The following ZCCHC7 variants were observed in gnomAD, a reference collection of about 807,000 sequenced individuals.
The protein encoded by ZCCHC7 is zinc finger CCHC-type containing 7.
Under a neutral mutation model 52.0 loss-of-function variants are expected in ZCCHC7, and 35 were observed. The observed-to-expected ratio is 0.67, with a 90% CI of 0.51 to 0.89. The LOEUF is 0.89. Among genes scored for constraint, ZCCHC7 ranks in the 40% least tolerant of loss-of-function variants. The probability of loss-of-function intolerance (pLI) is 0.00; values close to 1 mark genes in which losing one functional copy is unlikely to be tolerated. For missense variants in ZCCHC7, 574 were observed against 649.1 expected (o/e 0.88, Z 1.26); for synonymous variants, 217 against 221.5 (o/e 0.98, Z 0.18).
At chr9:37,183,537 T>G (rs1822481877) in intron 2 of ZCCHC7, among the ~76,000 whole-genome samples, 1 of 152,208 alleles carries the variant, frequency 6.6e-6, no homozygotes, top group African/African-American at 2.4e-5. Flanking sequence ...AGCCCTTTCT[T>G]TGATGTTCAT....
In ZCCHC7 at chr9:37,346,572, A is replaced by T. The variant is rs72737790; in HGVS notation, c.988-2785A>T. ...GCACCTATGGTCCCAGCTACTCAGG[A>T]GGCTGAAACCCAAGGATTGCTTGAG... On this transcript the variant is annotated intron_variant, in intron 6 of 8. Coordinates refer to ENST00000336755, the MANE Select transcript of ZCCHC7 (RefSeq NM_032226.3). Among the ~76,000 whole-genome samples the T allele has an allele frequency of 7.3e-3, 1,109 of 152,276 alleles. 5 individuals carry two copies. Among genetic ancestry groups the T allele is most frequent in the South Asian group, 0.014 (67 of 4,824 alleles).
intron 2 of ZCCHC7, among the ~76,000 whole-genome samples, chr9:37,223,249 A>G (rs1345597567): frequency 1.3e-5 from 2 of 152,206 alleles, no homozygotes; most frequent in African/African-American, 2.4e-5. Flanking sequence ...ACCCGTGTCT[A>G]TTAAAAGATG....
At chr9:37,242,448 T>C (rs1388671991) in intron 2 of ZCCHC7, among the ~76,000 whole-genome samples, 2 of 151,852 alleles carry the variant, frequency 1.3e-5, no homozygotes, top group Non-Finnish European at 3.0e-5. Flanking sequence ...CTTCCCATGA[T>C]ACTTGGGATG....
Position 37,225,810 on chromosome 9 carries a change from A to G in ZCCHC7, c.611-76378A>G, listed in dbSNP as rs78501077. Among the ~76,000 whole-genome samples the G allele has an allele frequency of 3.8e-3, 586 of 152,310 alleles. 1 individual carries two copies. The highest frequency in any genetic ancestry group is 5.9e-3 in the Admixed American group (91 of 15,304). On this transcript the variant is annotated intron_variant, in intron 2 of 8. Transcript: ENST00000336755. ...AAGGGGCACTTTCTTAATCCAATTC[A>G]AGGACCTTTTAAAAAACCTGCAACT...
chr9:37,171,903 G>A (rs1195024771), intron 2 of ZCCHC7, among the ~76,000 whole-genome samples: 7 of 152,166 alleles, frequency 4.6e-5, no homozygotes, highest in Non-Finnish European at 5.9e-5. Flanking sequence ...TATTTTGGTA[G>A]ATGTATTCTT....
At chr9:37,315,812 G>T in intron 5 of ZCCHC7, among the ~76,000 whole-genome samples, 1 of 144,120 alleles carries the variant, frequency 6.9e-6, no homozygotes, top group Admixed American at 6.8e-5. Flanking sequence ...GTTTAGGGAT[G>T]CTTATATAGA....
chr9:37,295,124 G>T (rs141295249), intron 2 of ZCCHC7, among the ~76,000 whole-genome samples: 2 of 152,148 alleles, frequency 1.3e-5, no homozygotes, highest in Admixed American at 6.5e-5. Context: ...TTTTGAAGGG[G>T]TACCAGATAA....
chr9:37,283,534 C>G (rs1828069898), intron 2 of ZCCHC7, among the ~76,000 whole-genome samples: 1 of 152,198 alleles, frequency 6.6e-6, no homozygotes, highest in South Asian at 2.1e-4. Flanking sequence ...TCACAGGGCT[C>G]TAATTTATTT....
intron 2 of ZCCHC7, among the ~76,000 whole-genome samples, chr9:37,145,762 T>G (rs1318011118): frequency 2.0e-5 from 3 of 152,006 alleles, no homozygotes; most frequent in Non-Finnish European, 4.4e-5. Context: ...CAGTGTTCAA[T>G]TGAGTAATAT....
At chr9:37,135,328 A>G (rs1842953872) in intron 2 of ZCCHC7, among the ~76,000 whole-genome samples, 1 of 152,252 alleles carries the variant, frequency 6.6e-6, no homozygotes, top group Admixed American at 6.5e-5. Context: ...TTCCACTTTC[A>G]GAAGAAATAA....
rs117460117 is a variant in ZCCHC7, at chr9:37,164,012, T to A, written c.610+37070T>A. On this transcript the variant is annotated intron_variant, in intron 2 of 8. Coordinates refer to ENST00000336755, the MANE Select transcript of ZCCHC7 (RefSeq NM_032226.3). ...TATTCTGTTTATTTGTCTTTCATGA[T>A]GCCTATACTATACTCTGTTGATTCT... 3.2e-4 allele frequency among the ~76,000 whole-genome samples: 48 copies of A among 152,352 alleles called. No homozygotes were observed. The East Asian group carries it at 9.0e-3, about 29-fold the overall frequency.
At chr9:37,197,832 G>A (rs1461504274) in intron 2 of ZCCHC7, among the ~76,000 whole-genome samples, 1 of 152,176 alleles carries the variant, frequency 6.6e-6, no homozygotes, top group East Asian at 1.9e-4. Context: ...CTTTGGCATA[G>A]CAGCCAAATA....
chr9:37,168,168 T>C (rs1418532154), intron 2 of ZCCHC7, among the ~76,000 whole-genome samples: 1 of 152,212 alleles, frequency 6.6e-6, no homozygotes, highest in East Asian at 1.9e-4. Context: ...CTGAAGGCAA[T>C]AAACTTTGGG....
At chr9:37,267,224 A>G (rs1166222002) in intron 2 of ZCCHC7, among the ~76,000 whole-genome samples, 1 of 152,170 alleles carries the variant, frequency 6.6e-6, no homozygotes, top group African/African-American at 2.4e-5. Flanking sequence ...AGACAGAACT[A>G]AGGATTAAGG....
intron 2 of ZCCHC7, among the ~76,000 whole-genome samples, chr9:37,243,548 C>T (rs1825960085): frequency 6.6e-6 from 1 of 151,828 alleles, no homozygotes; most frequent in South Asian, 2.1e-4. Flanking sequence ...GTAAGTGCCA[C>T]AGAAACCACT....
chr9:37,291,491 T>C (rs1365186673), intron 2 of ZCCHC7, among the ~76,000 whole-genome samples: 2 of 152,218 alleles, frequency 1.3e-5, no homozygotes, highest in Admixed American at 6.5e-5. Flanking sequence ...TATTTTATGA[T>C]ATTTGTGCAT....
chr9:37,320,578 C>G (rs932772272), intron 5 of ZCCHC7, among the ~76,000 whole-genome samples: 3 of 152,120 alleles, frequency 2.0e-5, no homozygotes, highest in African/African-American at 7.2e-5. Flanking sequence ...TGGTATGTCT[C>G]TGTTTATCTA....
intron 2 of ZCCHC7, among the ~76,000 whole-genome samples, chr9:37,267,300 C>G (rs1231844564): frequency 1.3e-5 from 2 of 152,156 alleles, no homozygotes; most frequent in African/African-American, 4.8e-5. Flanking sequence ...AATTCTCTGT[C>G]GCTTGTATTT....
chr9:37,221,797 A>AT (rs973465232), intron 2 of ZCCHC7, among the ~76,000 whole-genome samples: 8 of 152,164 alleles, frequency 5.3e-5, no homozygotes, highest in African/African-American at 1.9e-4. Flanking sequence ...ATCTTAGTGG[A>AT]TTTTTTAAAA....
Sources: gnomAD v4.1 joint callset for allele counts (sites outside exome capture counted in the v4.1 genomes callset) on GRCh38, gnomAD v4.1.1 for gene constraint, MANE v1.5 for transcripts, NCBI Gene and HGNC (gene_info 2026-07-23, HGNC 2026-07-21) for gene names.